The following KCNH1 variants were observed in gnomAD, a reference collection of about 807,000 sequenced individuals.
The protein encoded by KCNH1 is potassium voltage-gated channel subfamily H member 1.
Under a neutral mutation model 69.2 loss-of-function variants are expected in KCNH1, and 27 were observed. The ratio of observed to expected loss-of-function variants is 0.39; its 90% CI spans 0.29 to 0.54. KCNH1 has a LOEUF of 0.54. Among genes scored for constraint, KCNH1 ranks in the 20% least tolerant of loss-of-function variants. KCNH1 has a pLI of 0.68. For missense variants in KCNH1, 798 were observed against 1,261.6 expected (o/e 0.63, Z 5.57); for synonymous variants, 456 against 487.7 (o/e 0.93, Z 0.86).
chr1:210,797,771 A>G lies in KCNH1; in HGVS notation c.1663-11T>C, dbSNP rs374511885. On this transcript the variant is annotated splice_polypyrimidine_tract_variant and intron_variant, in intron 8 of 10. Transcript: ENST00000271751. ...GCAGATCTGCAGGACCTAGCCAGGT[A>G]CAGAAAAAAACAGTGTGAGGGTCCT... 113 of 1,605,154 alleles carry G rather than the reference A, an allele frequency of 7.0e-5. No individual in the cohort carries two copies. Among genetic ancestry groups the G allele is most frequent in the Non-Finnish European group, 7.9e-5 (93 of 1,173,348 alleles).
At chr1:211,085,635 A>G (rs1690938653) in intron 4 of KCNH1, among the ~76,000 whole-genome samples, 2 of 152,208 alleles carry the variant, frequency 1.3e-5, no homozygotes, top group Admixed American at 6.5e-5. Flanking sequence ...ATAGCTACAC[A>G]GGAAAAGAAG....
rs911909738 is a variant in KCNH1 at position 211,018,728 on chromosome 1, C to T, written c.1032+55G>A. The stretch of plus-strand genomic sequence containing the variant: ...TAATTATTCTTCTGTTGACCACCCA[C>T]ATTTAACTCAGTTTTAAAGACATGA... On this transcript the variant is annotated intron_variant, in intron 6 of 10. Coordinates refer to ENST00000271751, the MANE Select transcript of KCNH1 (RefSeq NM_172362.3). 12 of 1,376,712 alleles carry T rather than the reference C, an allele frequency of 8.7e-6. No homozygotes were observed. The Admixed American group carries it at 1.6e-4, about 19-fold the overall frequency. The allele number at this position is 1,376,712 out of a possible 1,614,324, so 85.3% of individuals were successfully genotyped here.
chr1:210,909,521 A>G (rs146728764), intron 7 of KCNH1, among the ~76,000 whole-genome samples: 1 of 152,222 alleles, frequency 6.6e-6, no homozygotes. Flanking sequence ...CATTTATGCC[A>G]TTTAATTTGC....
At chr1:210,968,813 T>C (rs941738810) in intron 6 of KCNH1, among the ~76,000 whole-genome samples, 1 of 152,182 alleles carries the variant, frequency 6.6e-6, no homozygotes, top group African/African-American at 2.4e-5. Flanking sequence ...TCCCATTTTG[T>C]AGGTTGCCTG....
chr1:210,967,772 T>A (rs553538426), intron 6 of KCNH1, among the ~76,000 whole-genome samples: 21 of 152,284 alleles, frequency 1.4e-4, no homozygotes, highest in African/African-American at 4.8e-4. Context: ...CTTACAACTA[T>A]TTCTTTTTTC....
intron 1 of KCNH1, among the ~76,000 whole-genome samples, chr1:211,122,749 TCTCA>T (rs1455208924): frequency 6.6e-6 from 1 of 152,100 alleles, no homozygotes; most frequent in African/African-American, 2.4e-5. Flanking sequence ...CACTGCATGT[TCTCA>T]CTCATAAGTG....
chr1:210,865,457 G>T (rs1207649695), intron 7 of KCNH1, among the ~76,000 whole-genome samples: 2 of 152,058 alleles, frequency 1.3e-5, no homozygotes, highest in African/African-American at 4.8e-5. Context: ...ATAGTCTTTA[G>T]AGAACATTTT....
At chr1:211,045,043 T>TATATAGATATATATATATATATAG (rs1553374041) in intron 5 of KCNH1, among the ~76,000 whole-genome samples, 10 of 125,026 alleles carry the variant, frequency 8.0e-5, no homozygotes, top group African/African-American at 2.3e-4. Context: ...TTGTGGGGGA[T>TATATAGATATATATATATATATAG]ATATATATAT....
chr1:210,953,099 C>T (rs1688094013), intron 6 of KCNH1, among the ~76,000 whole-genome samples: 1 of 152,182 alleles, frequency 6.6e-6, no homozygotes, highest in Non-Finnish European at 1.5e-5. Context: ...AATCTTTCTC[C>T]CACACCTATT....
chr1:211,033,861 A>G (rs1689843794), intron 5 of KCNH1, among the ~76,000 whole-genome samples: 1 of 152,120 alleles, frequency 6.6e-6, no homozygotes, highest in Admixed American at 6.5e-5. Flanking sequence ...ACATGTATAC[A>G]TATGTAACAA....
At chr1:210,980,683 T>A (rs1574375948) in intron 6 of KCNH1, among the ~76,000 whole-genome samples, 1 of 152,124 alleles carries the variant, frequency 6.6e-6, no homozygotes, top group African/African-American at 2.4e-5. Context: ...TGAATTGTCA[T>A]GAGAATAGTA....
chr1:210,967,634 A>T (rs539082287), intron 6 of KCNH1, among the ~76,000 whole-genome samples: 1 of 152,214 alleles, frequency 6.6e-6, no homozygotes, highest in East Asian at 1.9e-4. Flanking sequence ...CTTCAGTTCC[A>T]TCTGTCAATT....
chr1:211,109,655 G>C (rs1322698003), intron 1 of KCNH1, among the ~76,000 whole-genome samples: 1 of 151,822 alleles, frequency 6.6e-6, no homozygotes, highest in Non-Finnish European at 1.5e-5. Context: ...ATAATGAGTT[G>C]ACCACATATG....
At chr1:210,971,323 T>C (rs1221969515) in intron 6 of KCNH1, among the ~76,000 whole-genome samples, 1 of 152,202 alleles carries the variant, frequency 6.6e-6, no homozygotes, top group East Asian at 1.9e-4. Context: ...ATTATTCTTC[T>C]GTGACCCATA....
At chr1:210,916,182 G>A (rs1875437) in intron 7 of KCNH1, among the ~76,000 whole-genome samples, 115,015 of 152,104 alleles carry the variant, frequency 0.76, 44,153 homozygotes, top group East Asian at 0.91. Context: ...GGGCAAAAAA[G>A]GGTAAAAGAG....
chr1:211,002,677 AT>A (rs935369987), intron 6 of KCNH1, among the ~76,000 whole-genome samples: 2 of 152,188 alleles, frequency 1.3e-5, no homozygotes, highest in African/African-American at 4.8e-5. Context: ...AATAACCAAA[AT>A]TAAGAATGCA....
chr1:210,740,537 T>C (rs1396675032), intron 10 of KCNH1, among the ~76,000 whole-genome samples: 2 of 152,030 alleles, frequency 1.3e-5, no homozygotes, highest in African/African-American at 4.8e-5. Flanking sequence ...CAGAAGCTGG[T>C]CTCTTCTGGC....
chr1:210,863,169 G>A (rs1262514626), intron 7 of KCNH1, among the ~76,000 whole-genome samples: 1 of 152,218 alleles, frequency 6.6e-6, no homozygotes, highest in African/African-American at 2.4e-5. Flanking sequence ...ATAAGGAGCA[G>A]AAAGGCTTGG....
intron 7 of KCNH1, among the ~76,000 whole-genome samples, chr1:210,856,822 T>TATATATA (rs56411029): frequency 7.8e-6 from 1 of 129,002 alleles, no homozygotes; most frequent in African/African-American, 2.7e-5. Flanking sequence ...TTATATATAT[T>TATATATA]TTATATATAA....
Sources: gnomAD v4.1 joint callset for allele counts (sites outside exome capture counted in the v4.1 genomes callset) on GRCh38, gnomAD v4.1.1 for gene constraint, MANE v1.5 for transcripts, NCBI Gene and HGNC (gene_info 2026-07-23, HGNC 2026-07-21) for gene names.